The following MCPH1 variants were observed in gnomAD, a reference collection of about 807,000 sequenced individuals.
The protein encoded by MCPH1 is microcephalin.
MCPH1 carries 104 observed loss-of-function variants against 84.5 expected under a neutral mutation model. The observed-to-expected ratio is 1.23, with a 90% CI of 1.05 to 1.45. The LOEUF is 1.45. Among genes scored for constraint, MCPH1 ranks in the 40% most tolerant of loss-of-function variants. MCPH1 has a pLI of 0.00. For synonymous variants in MCPH1, 514 were observed against 366.8 expected (o/e 1.40, Z -4.58); for missense variants, 1,498 against 1,005.7 (o/e 1.49, Z -6.62).
chr8:6,477,596 A>C lies in MCPH1; in HGVS notation c.1938A>C (p.Pro646=). The change falls in exon 10 of 14, where the codon CCA becomes CCC. Residue 646 remains proline (P), a splice_region_variant and synonymous_variant. Transcript: ENST00000344683. ...TCCTTCTTGTTTGAAATCTCTAGCC[A>C]ACAAGAACATTAGTCATGACAAGCA... ...ELKKSGRGKK[P]TRTLVMTSMP... 1 of 1,612,942 alleles carries C rather than the reference A, an allele frequency of 6.2e-7. No individual in the cohort carries two copies. Among genetic ancestry groups the C allele is most frequent in the South Asian group, 1.1e-5 (1 of 91,028 alleles).
intron 12 of MCPH1, among the ~76,000 whole-genome samples, chr8:6,524,116 A>G (rs1817895816): frequency 6.6e-6 from 1 of 152,144 alleles, no homozygotes; most frequent in African/African-American, 2.4e-5. Context: ...TCTCTCTGAC[A>G]TTTTCCTTCC....
intron 13 of MCPH1, among the ~76,000 whole-genome samples, chr8:6,639,680 AC>A (rs1266670080): frequency 3.4e-4 from 52 of 151,972 alleles, no homozygotes; most frequent in African/African-American, 1.0e-3. Context: ...AAAAAAAAAA[AC>A]ATATTTACAT....
intron 13 of MCPH1, among the ~76,000 whole-genome samples, chr8:6,632,662 A>C (rs1797251799): frequency 6.6e-6 from 1 of 152,068 alleles, no homozygotes; most frequent in African/African-American, 2.4e-5. Flanking sequence ...ACAAAAAATT[A>C]GCCGGCCGTG....
intron 9 of MCPH1, among the ~76,000 whole-genome samples, chr8:6,466,494 C>A (rs58199046): frequency 0.036 from 5,497 of 152,190 alleles, 310 homozygotes; most frequent in African/African-American, 0.12. Flanking sequence ...TTTTCGGTAG[C>A]AACGAGGTTT....
At chr8:6,450,267 G>A (rs1275054289) in intron 8 of MCPH1, among the ~76,000 whole-genome samples, 1 of 151,930 alleles carries the variant, frequency 6.6e-6, no homozygotes, top group Non-Finnish European at 1.5e-5. Flanking sequence ...ACATTTATTG[G>A]CAAGCAATTA....
intron 2 of MCPH1, among the ~76,000 whole-genome samples, chr8:6,410,030 C>T (rs1006531054): frequency 2.0e-5 from 3 of 151,612 alleles, no homozygotes; most frequent in South Asian, 2.1e-4. Context: ...AGTGCAGTGA[C>T]GCGATCTCAG....
rs527658889 is a variant in MCPH1, at chr8:6,453,492, G to C, written c.1826-1651G>C. Among the ~76,000 whole-genome samples the C allele has an allele frequency of 2.7e-3, 399 of 150,136 alleles. 1 individual carries two copies. The highest frequency in any genetic ancestry group is 9.2e-3 in the African/African-American group (374 of 40,870). On this transcript the variant is annotated intron_variant, in intron 8 of 13. Coordinates refer to ENST00000344683, the MANE Select transcript of MCPH1 (RefSeq NM_024596.5). The stretch of plus-strand genomic sequence containing the variant: ...TATAAAATGCTTTACAGCCTGTTTC[G>C]TTGTTCGGCAAGAACTGAGGCAAGT...
At chr8:6,587,386 T>G (rs1828082004) in intron 12 of MCPH1, among the ~76,000 whole-genome samples, 1 of 152,178 alleles carries the variant, frequency 6.6e-6, no homozygotes, top group South Asian at 2.1e-4. Flanking sequence ...TTCCCCCAGC[T>G]TTATGGGGTA....
intron 12 of MCPH1, among the ~76,000 whole-genome samples, chr8:6,611,479 G>T (rs1050770703): frequency 2.0e-5 from 3 of 152,252 alleles, no homozygotes; most frequent in African/African-American, 4.8e-5. Context: ...GGATGTGAAT[G>T]AACAGCCAGA....
chr8:6,533,589 T>C (rs868373977), intron 12 of MCPH1, among the ~76,000 whole-genome samples: 11 of 147,624 alleles, frequency 7.5e-5, no homozygotes, highest in African/African-American at 2.8e-4. Context: ...TTTTTTTTTT[T>C]TTTAAATAAT....
chr8:6,624,366 G>A (rs912588163), intron 13 of MCPH1, among the ~76,000 whole-genome samples: 2 of 152,178 alleles, frequency 1.3e-5, no homozygotes, highest in Admixed American at 1.3e-4. Flanking sequence ...TGTGAGACAG[G>A]TCCCCTCACT....
intron 4 of MCPH1, among the ~76,000 whole-genome samples, chr8:6,434,420 T>A (rs1802342185): frequency 6.6e-6 from 1 of 152,228 alleles, no homozygotes; most frequent in Non-Finnish European, 1.5e-5. Flanking sequence ...CCTGTGGCTA[T>A]AAAGCACCAC....
chr8:6,481,172 C>G (rs900023111), intron 11 of MCPH1, among the ~76,000 whole-genome samples: 2 of 152,198 alleles, frequency 1.3e-5, no homozygotes, highest in South Asian at 4.1e-4. Context: ...ACGCAAGATG[C>G]ATGTTCTCAC....
At chr8:6,432,509 T>C (rs906079488) in intron 4 of MCPH1, among the ~76,000 whole-genome samples, 6 of 152,236 alleles carry the variant, frequency 3.9e-5, no homozygotes, top group African/African-American at 1.4e-4. Flanking sequence ...CACAACCTTT[T>C]CGGCTTTCTA....
At chr8:6,446,359 C>T in intron 8 of MCPH1, 3 of 984,662 alleles carry the variant, frequency 3.0e-6, no homozygotes, top group Non-Finnish European at 3.6e-6. Context: ...TGCATGATTT[C>T]TCTGCTCTAC....
intron 13 of MCPH1, among the ~76,000 whole-genome samples, chr8:6,636,862 A>G (rs2042668): frequency 7.9e-5 from 12 of 151,948 alleles, no homozygotes; most frequent in African/African-American, 2.9e-4. Context: ...GGATAAGGGA[A>G]ACACCACCTG....
intron 12 of MCPH1, among the ~76,000 whole-genome samples, chr8:6,613,109 T>G (rs1830433494): frequency 6.6e-6 from 1 of 151,846 alleles, no homozygotes; most frequent in Non-Finnish European, 1.5e-5. Flanking sequence ...CAGCCTGGGG[T>G]TCTGAGGAAG....
At chr8:6,565,995 G>A (rs942364035) in intron 12 of MCPH1, among the ~76,000 whole-genome samples, 11 of 152,206 alleles carry the variant, frequency 7.2e-5, no homozygotes, top group Admixed American at 2.0e-4. Flanking sequence ...TCTGTCCAGT[G>A]TCAGATGGTA....
chr8:6,418,661 C>G (rs1378439648), intron 3 of MCPH1, among the ~76,000 whole-genome samples: 1 of 152,126 alleles, frequency 6.6e-6, no homozygotes, highest in Non-Finnish European at 1.5e-5. Flanking sequence ...GTGCTCACTG[C>G]AACCTCCTAC....
Sources: allele counts gnomAD v4.1 joint callset (sites outside exome capture counted in the v4.1 genomes callset), GRCh38; gene constraint gnomAD v4.1.1; transcripts MANE v1.5; gene names NCBI Gene and HGNC (gene_info 2026-07-23, HGNC 2026-07-21).